Variants in MFSD6 observed in about 807,000 individuals in gnomAD.
MFSD6 encodes major facilitator superfamily domain-containing protein 6.
A neutral mutation model predicts 56.3 loss-of-function variants in MFSD6; 26 were observed. The ratio of observed to expected loss-of-function variants is 0.46; its 90% confidence interval spans 0.34 to 0.64. The LOEUF is 0.64. MFSD6 is among the 30% of genes least tolerant of loss of function. MFSD6 has a pLI of 0.01. For missense variants in MFSD6, 750 were observed against 986.2 expected, an observed-to-expected ratio of 0.76 and a Z score of 3.21; for synonymous variants, 331 against 366.9, an observed-to-expected ratio of 0.90 and a Z score of 1.12.
intron 2 of MFSD6, among the ~76,000 whole-genome samples, chr2:190,432,490 C>G (rs1180320042): frequency 6.6e-6 from 1 of 152,174 alleles, no homozygotes; most frequent in Non-Finnish European, 1.5e-5. Flanking sequence ...GATCTCGGCT[C>G]TCTGCAACCT....
chr2:190,420,351 G>A (rs1421582579), intron 2 of MFSD6, among the ~76,000 whole-genome samples: 1 of 151,584 alleles, frequency 6.6e-6, no homozygotes, highest in African/African-American at 2.4e-5. Flanking sequence ...CTTGCTATGT[G>A]GATAGAGAGA....
At position 190,412,018 on chromosome 2, in the gene MFSD6, G is replaced by T. The variant is rs571765269; in HGVS notation, c.-175-3274G>T. 1.0e-6 allele frequency: 1 copy of T among 985,270 alleles called. No individual in the cohort carries two copies. Among genetic ancestry groups the T allele is most frequent in the South Asian group, 4.7e-5 (1 of 21,284 alleles). The allele number at this position is 985,270 out of a possible 1,614,324, so 61.0% of individuals were successfully genotyped here. A position where few individuals can be genotyped will look rare whatever the true frequency, so the allele number is the denominator to read the frequency against. Reference sequence around the variant, plus strand: ...CATCTCATGAAATTATGGCATTCTGGATGACTTTAGGTATAATTATTTTTA... The same window carrying T: ...CATCTCATGAAATTATGGCATTCTGTATGACTTTAGGTATAATTATTTTTA... On this transcript the variant is annotated intron_variant, in intron 1 of 7. Transcript: ENST00000392328. This position sits in a 1 kb window ranked among gnomAD's most constrained non-coding sequence, Gnocchi z 4.1.
In MFSD6 at chr2:190,500,190, A is replaced by AG. The variant is rs758344580; in HGVS notation, c.2350dup (p.Ala784GlyfsTer30). 6.2e-6 allele frequency: 10 copies of AG among 1,614,180 alleles called. No individual in the cohort carries two copies. Among genetic ancestry groups the AG allele is most frequent in the African/African-American group, 4.0e-5 (3 of 75,044 alleles). On this transcript the variant is annotated frameshift_variant, in exon 8 of 8. Coordinates refer to ENST00000392328, the MANE Select transcript of MFSD6 (RefSeq NM_017694.4). LOFTEE classifies it high-confidence loss of function. The surrounding 1 kb of genome is among the most constrained non-coding windows in gnomAD (Gnocchi z 5.3). ...TGCACAGAGGAGAGTGAAGAGCAGC[A>AG]GGCTCAGCTGGCCGCGGGAGGACAC...
intron 3 of MFSD6, among the ~76,000 whole-genome samples, chr2:190,466,513 TGG>T (rs1196340139): frequency 6.6e-6 from 1 of 152,260 alleles, no homozygotes. Context: ...TTTGGAATTC[TGG>T]GATAAAAGTT....
At chr2:190,483,733 G>A (rs1445378781) in intron 4 of MFSD6, among the ~76,000 whole-genome samples, 2 of 151,338 alleles carry the variant, frequency 1.3e-5, no homozygotes, top group African/African-American at 4.8e-5. Flanking sequence ...TACTCGGAAG[G>A]CTGAGGCAGG....
intron 3 of MFSD6, chr2:190,442,713 A>C (rs2125065832): frequency 6.6e-6 from 1 of 152,266 alleles, no homozygotes; most frequent in Non-Finnish European, 1.5e-5. Context: ...GAAATTCAGA[A>C]AGGAGATGTA....
intron 3 of MFSD6, among the ~76,000 whole-genome samples, chr2:190,464,653 G>A (rs762696984): frequency 3.9e-5 from 6 of 152,166 alleles, no homozygotes; most frequent in Non-Finnish European, 7.4e-5. Flanking sequence ...TCTAACTCAG[G>A]TGGCCTCAAC....
At chr2:190,435,834 T>C (rs1686159067) in intron 2 of MFSD6, 143 bp from the exon 3 acceptor site, 1 of 709,372 alleles carries the variant, frequency 1.4e-6, no homozygotes. Context: ...CGGTATTGTG[T>C]GGCTGCAAGT....
At chr2:190,483,618 C>T (rs1360291187) in intron 4 of MFSD6, among the ~76,000 whole-genome samples, 7 of 151,996 alleles carry the variant, frequency 4.6e-5, no homozygotes, top group Non-Finnish European at 8.8e-5. Context: ...AGGCAGATCA[C>T]GAGGTCAAGA....
chr2:190,460,480 TTTGTTAA>T (rs921438748), intron 3 of MFSD6, among the ~76,000 whole-genome samples: 1 of 152,316 alleles, frequency 6.6e-6, no homozygotes, highest in African/African-American at 2.4e-5. Flanking sequence ...TCAATAAGTA[TTTGTTAA>T]TTGATATTCT....
At chr2:190,420,866 G>T (rs1685585431) in intron 2 of MFSD6, among the ~76,000 whole-genome samples, 1 of 152,020 alleles carries the variant, frequency 6.6e-6, no homozygotes, top group Non-Finnish European at 1.5e-5. Flanking sequence ...AGTTTTGTTT[G>T]TCTTTTAAGA....
Position 190,469,845 on chromosome 2 carries a change from A to T in MFSD6, c.1620A>T (p.Glu540Asp). The change falls in exon 4 of 8, where the codon GAA becomes GAT. Residue 540 changes from glutamate to aspartate, a missense_variant. Transcript: ENST00000392328. The surrounding 1 kb of genome is among the most constrained non-coding windows in gnomAD (Gnocchi z 5.3). ...LENAWTVLPM[E>D]VLQGVTHAAI... is the part of the protein sequence containing the mutation. ...ATGCCTGGACTGTTCTCCCCATGGA[A>T]GTTCTTCAAGGTAAGTTAACAGCTG... The T allele has an allele frequency of 6.2e-7, 1 of 1,600,444 alleles. No individual in the cohort carries two copies. Among genetic ancestry groups the T allele is most frequent in the African/African-American group, 1.3e-5 (1 of 74,562 alleles).
At chr2:190,449,883 A>C (rs905378124) in intron 3 of MFSD6, among the ~76,000 whole-genome samples, 1 of 152,120 alleles carries the variant, frequency 6.6e-6, no homozygotes, top group Admixed American at 6.6e-5. Flanking sequence ...GGAAGGGGGG[A>C]GGAATAGCTT....
rs927242821 is a variant in MFSD6 at position 190,415,217 on chromosome 2, T to G, written c.-175-75T>G. The stretch of plus-strand genomic sequence containing the variant: ...AATTCTCATACTCACCAGCATTGAA[T>G]ATTTCCATTTTAAAAATTATTGGTA... On this transcript the variant is annotated intron_variant, in intron 1 of 7. Transcript: ENST00000392328. This position sits in a 1 kb window ranked among gnomAD's most constrained non-coding sequence, Gnocchi z 4.5. The G allele has an allele frequency of 5.9e-5, 9 of 152,234 alleles. No individual in the cohort carries two copies. The highest frequency in any genetic ancestry group is 2.2e-4 in the African/African-American group (9 of 41,462). 9.4% of individuals were successfully genotyped at this position (152,234 alleles called of 1,614,324 possible).
rs1394649456 is a variant in MFSD6 at position 190,438,619 on chromosome 2, G to A, written c.1532+1058G>A. On this transcript the variant is annotated intron_variant, in intron 3 of 7. Coordinates refer to ENST00000392328, the MANE Select transcript of MFSD6 (RefSeq NM_017694.4). This position sits in a 1 kb window ranked among gnomAD's most constrained non-coding sequence, Gnocchi z 5.2. ...CTTTAGAGATCTTTCTGCTCTGTTG[G>A]CTCTAAATGTGGAGCCAACTCCACT... Among the ~76,000 whole-genome samples the A allele has an allele frequency of 1.3e-5, 2 of 152,110 alleles. No homozygotes were observed. The highest frequency in any genetic ancestry group is 3.9e-4 in the East Asian group (2 of 5,190).
chr2:190,411,908 G>A lies in MFSD6; in HGVS notation c.-175-3384G>A, dbSNP rs1028962989. The A allele has an allele frequency of 3.8e-5, 37 of 985,318 alleles. No homozygotes were observed. The African/African-American group carries it at 6.1e-4, about 16-fold the overall frequency. 61.0% of individuals were successfully genotyped at this position (985,318 alleles called of 1,614,324 possible). A position where few individuals can be genotyped will look rare whatever the true frequency, so the allele number is the denominator to read the frequency against. ...TTCTTTCTTCCTGGTCTTGCTAGTG[G>A]TGGCTGTCTTTGGAAGCATGATTGT... On this transcript the variant is annotated intron_variant, in intron 1 of 7. Coordinates refer to ENST00000392328, the MANE Select transcript of MFSD6 (RefSeq NM_017694.4).
At position 190,412,660 on chromosome 2, in the gene MFSD6, A is replaced by G; in HGVS notation, c.-175-2632A>G. 1 of 958,772 alleles carries G rather than the reference A, an allele frequency of 1.0e-6. No homozygotes were observed. The highest frequency in any genetic ancestry group is 1.8e-5 in the African/African-American group (1 of 56,720). 59.4% of individuals were successfully genotyped at this position (958,772 alleles called of 1,614,324 possible). A position where few individuals can be genotyped will look rare whatever the true frequency, so the allele number is the denominator to read the frequency against. On this transcript the variant is annotated intron_variant, in intron 1 of 7. Coordinates refer to ENST00000392328, the MANE Select transcript of MFSD6 (RefSeq NM_017694.4). This position sits in a 1 kb window ranked among gnomAD's most constrained non-coding sequence, Gnocchi z 4.1. Reference sequence around the variant, plus strand: ...TTTCCTTTGAGTTTATAATTCCTCCATGTTTAATTATCCAACATTAGCTGT... The same window carrying G: ...TTTCCTTTGAGTTTATAATTCCTCCGTGTTTAATTATCCAACATTAGCTGT...
Position 190,467,620 on chromosome 2 carries a change from G to T in MFSD6, c.1533-2138G>T, listed in dbSNP as rs149998648. 1.3e-3 allele frequency among the ~76,000 whole-genome samples: 203 copies of T among 152,154 alleles called. 4 individuals are homozygous for T. In the East Asian group the frequency reaches 0.022, roughly 17 times the overall value. ...AGAGCGAGACTCTGTCTCAAAAAAA[G>T]AAAAAGAATTAAGGAGCGAGGCCAG... On this transcript the variant is annotated intron_variant, in intron 3 of 7. Transcript: ENST00000392328. This position sits in a 1 kb window ranked among gnomAD's most constrained non-coding sequence, Gnocchi z 5.5.
Position 190,423,082 on chromosome 2 carries a change from T to C in MFSD6, c.-54+7669T>C, listed in dbSNP as rs1196971540. Among the ~76,000 whole-genome samples, 3 of 152,238 alleles carry C rather than the reference T, an allele frequency of 2.0e-5. No homozygotes were observed. The highest frequency in any genetic ancestry group is 7.2e-5 in the African/African-American group (3 of 41,468). On this transcript the variant is annotated intron_variant, in intron 2 of 7. Transcript: ENST00000392328. The surrounding 1 kb of genome is among the most constrained non-coding windows in gnomAD (Gnocchi z 4.3). ...TCTTTTAAACTTTATTTTGAGATCATTGTGGATTCACATGTAGTTGTTAGA... is the reference window on the plus strand; with the variant it reads ...TCTTTTAAACTTTATTTTGAGATCACTGTGGATTCACATGTAGTTGTTAGA...
Sources: gnomAD v4.1 joint callset for allele counts (sites outside exome capture counted in the v4.1 genomes callset) on GRCh38, gnomAD v4.1.1 for gene constraint, Gnocchi (gnomAD v3.1) non-coding constraint, MANE v1.5 for transcripts, NCBI Gene and HGNC (gene_info 2026-07-23, HGNC 2026-07-21) for gene names.